CCDC7: variants seen among roughly 807,000 people sequenced by gnomAD.
The protein encoded by CCDC7 is coiled-coil domain-containing protein 7.
Under a neutral mutation model 196.9 loss-of-function variants are expected in CCDC7, and 183 were observed. The observed-to-expected ratio is 0.93, with a 90% CI of 0.82 to 1.05. The LOEUF (loss-of-function observed/expected upper bound fraction) is 1.05, where lower values mean the gene tolerates loss of function less well. Among genes scored for constraint, CCDC7 ranks in the 50% least tolerant of loss-of-function variants. The probability of loss-of-function intolerance (pLI) is 0.00; values close to 1 mark genes in which losing one functional copy is unlikely to be tolerated. For synonymous variants in CCDC7, 525 were observed against 484.6 expected (o/e 1.08, Z -1.10); for missense variants, 1,540 against 1,482.2 (o/e 1.04, Z -0.64).
At chr10:32,488,951 C>T (rs546906732) in intron 8 of CCDC7, among the ~76,000 whole-genome samples, 4 of 152,192 alleles carry the variant, frequency 2.6e-5, no homozygotes, top group South Asian at 4.1e-4. Context: ...GTAGCTTTTT[C>T]GGCTGTGGTT....
chr10:32,528,650 GTATA>G (rs35667060), intron 11 of CCDC7, among the ~76,000 whole-genome samples: 1 of 133,296 alleles, frequency 7.5e-6, no homozygotes, highest in Non-Finnish European at 1.6e-5. Flanking sequence ...GTGTGTGTGT[GTATA>G]TATATATACA....
intron 18 of CCDC7, among the ~76,000 whole-genome samples, chr10:32,590,250 G>T (rs1399808611): frequency 6.6e-6 from 1 of 151,742 alleles, no homozygotes; most frequent in African/African-American, 2.4e-5. Flanking sequence ...TAGATTTGAG[G>T]TTACCATGAG....
rs544926688 is a variant in CCDC7, at chr10:32,549,176, T to C, written c.1134+4875T>C. 2.2e-4 allele frequency among the ~76,000 whole-genome samples: 34 copies of C among 152,334 alleles called. No individual in the cohort carries two copies. In the South Asian group the frequency reaches 4.4e-3, roughly 20 times the overall value. The stretch of plus-strand genomic sequence containing the variant: ...CCCTGATCATTCATGATGTTGAGCA[T>C]TTTTTCATATGTTTGTTAGCCATTT... On this transcript the variant is annotated intron_variant, in intron 13 of 41. Transcript: ENST00000639629.
At chr10:32,595,207 T>C (rs1193297977) in intron 18 of CCDC7, among the ~76,000 whole-genome samples, 1 of 152,226 alleles carries the variant, frequency 6.6e-6, no homozygotes, top group African/African-American at 2.4e-5. Flanking sequence ...AAGGTATTAA[T>C]TATTGCCTCA....
chr10:32,604,062 T>A (rs2061339695), intron 18 of CCDC7, among the ~76,000 whole-genome samples: 1 of 152,168 alleles, frequency 6.6e-6, no homozygotes, highest in Admixed American at 6.5e-5. Context: ...CGTTTTCTTC[T>A]AGTAGTTTTA....
intron 18 of CCDC7, among the ~76,000 whole-genome samples, chr10:32,586,178 A>C (rs1288697426): frequency 6.6e-6 from 1 of 152,166 alleles, no homozygotes; most frequent in Non-Finnish European, 1.5e-5. Flanking sequence ...TCTTCTTTTG[A>C]AAAGTGTCTG....
At chr10:32,533,506 GT>G (rs113866682) in intron 11 of CCDC7, among the ~76,000 whole-genome samples, 1 of 151,220 alleles carries the variant, frequency 6.6e-6, no homozygotes, top group Admixed American at 6.6e-5. Context: ...ACCTGGAAAA[GT>G]TTTTTTTTAT....
intron 24 of CCDC7, among the ~76,000 whole-genome samples, chr10:32,704,418 T>C (rs906974731): frequency 5.3e-5 from 8 of 152,130 alleles, no homozygotes; most frequent in Admixed American, 3.9e-4. Context: ...AGTTTTTCCC[T>C]ACTGGGGGGT....
chr10:32,841,257 C>T (rs753104371), intron 33 of CCDC7, among the ~76,000 whole-genome samples: 2 of 151,954 alleles, frequency 1.3e-5, no homozygotes, highest in Non-Finnish European at 2.9e-5. Flanking sequence ...GCACTAAAGA[C>T]TCATCCAAAA....
intron 6 of CCDC7, 30 bp downstream of exon 7, chr10:32,471,260 A>C: frequency 6.3e-7 from 1 of 1,597,258 alleles, no homozygotes; most frequent in Non-Finnish European, 8.5e-7. Context: ...TAATTGAATT[A>C]AAAACAGTAA....
intron 24 of CCDC7, among the ~76,000 whole-genome samples, chr10:32,701,517 T>C (rs1385089749): frequency 6.6e-6 from 1 of 152,220 alleles, no homozygotes; most frequent in African/African-American, 2.4e-5. Flanking sequence ...GGTATCAGGA[T>C]GATGCTGGCC....
chr10:32,635,549 T>A (rs2065490708), intron 20 of CCDC7, among the ~76,000 whole-genome samples: 1 of 151,966 alleles, frequency 6.6e-6, no homozygotes, highest in Admixed American at 6.6e-5. Flanking sequence ...CTTTGGGAGG[T>A]AAAGGTGAGT....
At chr10:32,515,710 ATT>A (rs59085645) in intron 9 of CCDC7, among the ~76,000 whole-genome samples, 2 of 145,764 alleles carry the variant, frequency 1.4e-5, no homozygotes, top group Non-Finnish European at 3.0e-5. Context: ...CACCCGGCTA[ATT>A]TTTTTTTTTT....
At chr10:32,651,890 C>CG (rs372489599) in intron 20 of CCDC7, among the ~76,000 whole-genome samples, 2 of 152,108 alleles carry the variant, frequency 1.3e-5, no homozygotes, top group Non-Finnish European at 2.9e-5. Context: ...AAGATTTAGG[C>CG]GGTTTTTTAT....
chr10:32,816,373 G>T (rs2088546645), intron 31 of CCDC7, among the ~76,000 whole-genome samples: 1 of 152,220 alleles, frequency 6.6e-6, no homozygotes, highest in Non-Finnish European at 1.5e-5. Flanking sequence ...CGCAGCTCAA[G>T]GAGGCCTGCC....
chr10:32,781,269 A>G (rs569982997), intron 29 of CCDC7, among the ~76,000 whole-genome samples: 2 of 152,212 alleles, frequency 1.3e-5, no homozygotes, highest in Non-Finnish European at 2.9e-5. Context: ...AATTCTTTCA[A>G]AAAACTGAAG....
chr10:32,687,348 C>T (rs137899850), intron 22 of CCDC7, among the ~76,000 whole-genome samples: 1 of 152,328 alleles, frequency 6.6e-6, no homozygotes, highest in Admixed American at 6.5e-5. Flanking sequence ...CAGTCTTCCA[C>T]ATGCTTCACT....
chr10:32,655,430 G>C (rs185799999), intron 20 of CCDC7, among the ~76,000 whole-genome samples: 144 of 152,274 alleles, frequency 9.5e-4, no homozygotes, highest in African/African-American at 3.3e-3. Context: ...TAATAGGTGT[G>C]AGGTGATATC....
chr10:32,849,295 A>G (rs1221351401), intron 39 of CCDC7, among the ~76,000 whole-genome samples: 1 of 152,122 alleles, frequency 6.6e-6, no homozygotes, highest in Non-Finnish European at 1.5e-5. Context: ...TAACTTATGC[A>G]TTTCTGGTCA....
Sources: gnomAD v4.1 joint callset for allele counts (sites outside exome capture counted in the v4.1 genomes callset) on GRCh38, gnomAD v4.1.1 for gene constraint, MANE v1.5 for transcripts, NCBI Gene and HGNC (gene_info 2026-07-23, HGNC 2026-07-21) for gene names.